The following PNKD variants were observed in gnomAD, a reference collection of about 807,000 sequenced individuals.
PNKD encodes probable thioesterase PNKD.
PNKD carries 36 observed loss-of-function variants against 45.3 expected under a neutral mutation model. The ratio of observed to expected loss-of-function variants is 0.80; its 90% CI spans 0.61 to 1.05. The LOEUF (loss-of-function observed/expected upper bound fraction) is 1.05, where lower values mean the gene tolerates loss of function less well. Ranked by LOEUF, PNKD falls within the 50% of genes least tolerant of loss-of-function variation. The probability of loss-of-function intolerance (pLI) is 0.00; values close to 1 mark genes in which losing one functional copy is unlikely to be tolerated. For synonymous variants in PNKD, 197 were observed against 210.1 expected (o/e 0.94, Z 0.54); for missense variants, 511 against 506.6 (o/e 1.01, Z -0.08).
chr2:218,283,943 G>C (rs1240702838), intron 2 of PNKD: 1 of 152,156 alleles, frequency 6.6e-6, no homozygotes, highest in African/African-American at 2.4e-5. Context: ...GAAGTGGGCA[G>C]ATCATGAGGT....
chr2:218,289,458 A>G (rs1441345720), intron 2 of PNKD, among the ~76,000 whole-genome samples: 2 of 151,974 alleles, frequency 1.3e-5, no homozygotes, highest in African/African-American at 4.8e-5. Flanking sequence ...CCTGGCCAAC[A>G]TGGTGAAACC....
At chr2:218,304,014 G>T (rs986347899) in intron 2 of PNKD, among the ~76,000 whole-genome samples, 1 of 152,178 alleles carries the variant, frequency 6.6e-6, no homozygotes, top group African/African-American at 2.4e-5. Flanking sequence ...GAGTTTGGCA[G>T]TGGAGCTCTC....
At position 218,273,967 on chromosome 2, in the gene PNKD, C is replaced by T. The variant is rs114345220; in HGVS notation, c.236+2418C>T. Among the ~76,000 whole-genome samples, 817 of 152,316 alleles carry T rather than the reference C, an allele frequency of 5.4e-3. 9 individuals carry two copies. Among genetic ancestry groups the T allele is most frequent in the African/African-American group, 0.017 (723 of 41,562 alleles). ...ATGGTGCAGAAAAGGTCAAGCACTACAGCCAAGAGGTCTCTTCCATATCCA... is the reference window on the plus strand; with the variant it reads ...ATGGTGCAGAAAAGGTCAAGCACTATAGCCAAGAGGTCTCTTCCATATCCA... On this transcript the variant is annotated intron_variant, in intron 2 of 9. Coordinates refer to ENST00000273077, the MANE Select transcript of PNKD (RefSeq NM_015488.5).
At chr2:218,284,530 C>T (rs763043501) in intron 2 of PNKD, among the ~76,000 whole-genome samples, 2 of 152,238 alleles carry the variant, frequency 1.3e-5, no homozygotes, top group Non-Finnish European at 2.9e-5. Context: ...TGCAGCTCAG[C>T]GGGTGCTGAC....
chr2:218,330,573 T>C (rs1574708340), intron 2 of PNKD, among the ~76,000 whole-genome samples: 2 of 152,204 alleles, frequency 1.3e-5, no homozygotes, highest in Non-Finnish European at 2.9e-5. Context: ...TTGGGGCAGC[T>C]GCCACTTGCC....
rs771185509 is a variant in PNKD, at chr2:218,323,263, C to A, written c.237-16520C>A. 5.3e-6 allele frequency: 8 copies of A among 1,520,172 alleles called. No homozygotes were observed. In the African/African-American group the frequency reaches 1.2e-4, roughly 22 times the overall value. The allele number at this position is 1,520,172 out of a possible 1,614,324, so 94.2% of individuals were successfully genotyped here. ...CCGCCCGGCCGGCGCGTGCCTGCCC[C>A]CAGCATGGCTTGGCAGGGCTGGCCC... is the stretch of plus-strand genomic sequence containing the variant. On this transcript the variant is annotated intron_variant, in intron 2 of 9. Transcript: ENST00000273077.
chr2:218,277,970 G>C lies in PNKD; in HGVS notation c.236+6421G>C, dbSNP rs750505305. 7.4e-6 allele frequency: 12 copies of C among 1,614,060 alleles called. No homozygotes were observed. In the South Asian group the frequency reaches 1.3e-4, roughly 18 times the overall value. ...AGCAGAATGATGTTCCATGGGAAACGGCGTCTGAAGGGAAAGAGAAGCCTT... is the reference window on the plus strand; with the variant it reads ...AGCAGAATGATGTTCCATGGGAAACCGCGTCTGAAGGGAAAGAGAAGCCTT... On this transcript the variant is annotated intron_variant, in intron 2 of 9. Transcript: ENST00000273077.
In PNKD at chr2:218,340,655, A is replaced by C. The variant is rs1694644572; in HGVS notation, c.466-73A>C. On this transcript the variant is annotated intron_variant, in intron 4 of 9. Transcript: ENST00000273077. The surrounding 1 kb of genome is among the most constrained non-coding windows in gnomAD (Gnocchi z 4.2). ...TCCTCTCCTCTCCACCAGCGCCCAC[A>C]CTCCTGGCTCTTGCTGCTTCAAGTG... 5.5e-6 allele frequency: 6 copies of C among 1,095,910 alleles called. No homozygotes were observed. The Admixed American group carries it at 1.0e-4, about 19-fold the overall frequency. 67.9% of individuals were successfully genotyped at this position (1,095,910 alleles called of 1,614,324 possible). A position where few individuals can be genotyped will look rare whatever the true frequency, so the allele number is the denominator to read the frequency against.
intron 2 of PNKD, among the ~76,000 whole-genome samples, chr2:218,303,873 C>T (rs564607055): frequency 1.2e-4 from 19 of 152,102 alleles, no homozygotes; most frequent in African/African-American, 4.6e-4. Flanking sequence ...CACGCCCGGC[C>T]AGACCCGCAC....
intron 2 of PNKD, among the ~76,000 whole-genome samples, chr2:218,296,790 T>C (rs985672999): frequency 5.1e-4 from 78 of 152,276 alleles, no homozygotes; most frequent in African/African-American, 1.8e-3. Flanking sequence ...GCGATTCTCC[T>C]GCTTGGCCTC....
At chr2:218,277,845 A>G in intron 2 of PNKD, 2 of 1,582,248 alleles carry the variant, frequency 1.3e-6, no homozygotes, top group Non-Finnish European at 1.7e-6. Context: ...GACAGCCAGG[A>G]CATCCTTCTG....
chr2:218,329,265 A>G (rs1257165158), intron 2 of PNKD, among the ~76,000 whole-genome samples: 1 of 152,222 alleles, frequency 6.6e-6, no homozygotes, highest in Non-Finnish European at 1.5e-5. Flanking sequence ...GCTCCACTAG[A>G]ACCCTGTGTC....
chr2:218,317,475 G>A (rs951102081), intron 2 of PNKD, among the ~76,000 whole-genome samples: 1 of 152,216 alleles, frequency 6.6e-6, no homozygotes, highest in East Asian at 1.9e-4. Context: ...TCAGTGTATG[G>A]GACTGATGAG....
At chr2:218,332,470 G>A (rs1694355515) in intron 2 of PNKD, among the ~76,000 whole-genome samples, 3 of 152,182 alleles carry the variant, frequency 2.0e-5, no homozygotes, top group Admixed American at 6.5e-5. Flanking sequence ...AGAGAGTCCT[G>A]TGGAAGCCCT....
At chr2:218,333,926 C>T (rs1416531846) in intron 2 of PNKD, among the ~76,000 whole-genome samples, 2 of 122,758 alleles carry the variant, frequency 1.6e-5, no homozygotes, top group African/African-American at 5.9e-5. Flanking sequence ...ACCAGCTTGG[C>T]CAACATGGTG....
At chr2:218,333,522 T>C (rs1332627217) in intron 2 of PNKD, among the ~76,000 whole-genome samples, 1 of 152,146 alleles carries the variant, frequency 6.6e-6, no homozygotes, top group Non-Finnish European at 1.5e-5. Flanking sequence ...CTCGGCTGAG[T>C]GCTTTACATT....
chr2:218,287,955 G>A (rs1692650099), intron 2 of PNKD, among the ~76,000 whole-genome samples: 1 of 152,240 alleles, frequency 6.6e-6, no homozygotes, highest in South Asian at 2.1e-4. Context: ...ACCCAAGTCA[G>A]GATGGCCTGG....
intron 2 of PNKD, among the ~76,000 whole-genome samples, chr2:218,287,054 T>C (rs1574658359): frequency 6.6e-6 from 1 of 151,774 alleles, no homozygotes; most frequent in African/African-American, 2.4e-5. Flanking sequence ...CACCCAGGAG[T>C]GTCTGGGCAA....
intron 2 of PNKD, among the ~76,000 whole-genome samples, chr2:218,325,572 C>A (rs1338263937): frequency 1.3e-5 from 2 of 152,058 alleles, no homozygotes; most frequent in Non-Finnish European, 2.9e-5. Flanking sequence ...ACAGCCTTAT[C>A]TGGGGAAAGA....
Sources: allele counts gnomAD v4.1 joint callset (sites outside exome capture counted in the v4.1 genomes callset), GRCh38; gene constraint gnomAD v4.1.1; non-coding constraint Gnocchi (gnomAD v3.1); transcripts MANE v1.5; gene names NCBI Gene and HGNC (gene_info 2026-07-23, HGNC 2026-07-21).